Variants in F8 observed in about 807,000 individuals in gnomAD.
The protein encoded by F8 is antihemophilic factor.
F8 carries 12 observed loss-of-function variants against 140.6 expected under a neutral mutation model. The observed-to-expected ratio is 0.09, with a 90% CI of 0.05 to 0.14. The LOEUF is 0.14. Ranked by LOEUF, F8 falls within the 10% of genes least tolerant of loss-of-function variation. The pLI is 1.00. For synonymous variants in F8, 585 were observed against 614.6 expected (o/e 0.95, Z 0.71); for missense variants, 1,354 against 1,720.7 (o/e 0.79, Z 3.77).
chrX:155,006,074 T>G (rs906958085), intron 1 of F8, among the ~76,000 whole-genome samples: 9 of 112,287 alleles, frequency 8.0e-5, no homozygotes, highest in Non-Finnish European at 1.7e-4. Flanking sequence ...TTCATGTGCT[T>G]AAAAAGTTGT....
intron 15 of F8, 111 bp downstream of exon 15, chrX:154,906,309 G>A: frequency 3.0e-6 from 2 of 659,719 alleles, no homozygotes; most frequent in Non-Finnish European, 4.4e-6. Flanking sequence ...GATAATTATG[G>A]AATTATTTTT....
chrX:154,873,309 C>T (rs2072789130), intron 22 of F8, among the ~76,000 whole-genome samples: 1 of 109,248 alleles, frequency 9.2e-6, no homozygotes, highest in Middle Eastern at 4.2e-3. Flanking sequence ...TCACTACAAC[C>T]TCTGCCTCCC....
intron 13 of F8, among the ~76,000 whole-genome samples, chrX:154,935,472 T>G (rs781962753): frequency 8.9e-6 from 1 of 111,809 alleles, no homozygotes; most frequent in East Asian, 2.8e-4. Flanking sequence ...GACAACTGGA[T>G]GTTTACATGC....
rs781832868 is a variant in F8, at chrX:154,901,295, T to C, written c.6187+76A>G. ...TAGAAGCATGGAGATGGATTCATTA[T>C]CTGAGATTCTCCACCAGATTATTAA... is the stretch of plus-strand genomic sequence containing the variant. On this transcript the variant is annotated intron_variant, in intron 20 of 25. Transcript: ENST00000360256. 76 of 687,636 alleles carry C rather than the reference T, an allele frequency of 1.1e-4. 6 individuals carry two copies. In the Admixed American group the frequency reaches 1.6e-3, roughly 14 times the overall value. The allele number at this position is 687,636 out of a possible 1,213,427, so 56.7% of individuals were successfully genotyped here. A position where few individuals can be genotyped will look rare whatever the true frequency, so the allele number is the denominator to read the frequency against.
At chrX:154,995,420 T>C (rs1259160920) in intron 3 of F8, among the ~76,000 whole-genome samples, 3 of 112,034 alleles carry the variant, frequency 2.7e-5, no homozygotes, top group African/African-American at 9.8e-5. Flanking sequence ...ATTTCAGCTA[T>C]GTCCATCCCT....
At chrX:154,966,277 G>A in intron 8 of F8, 136 bp from the exon 9 acceptor site, 1 of 897,549 alleles carries the variant, frequency 1.1e-6, no homozygotes, top group Admixed American at 2.9e-5. Flanking sequence ...GCTCAGCTAT[G>A]TTAGTTTCCA....
chrX:154,975,824 T>G (rs1255694765), intron 6 of F8, among the ~76,000 whole-genome samples: 1 of 112,195 alleles, frequency 8.9e-6, no homozygotes, highest in Non-Finnish European at 1.9e-5. Flanking sequence ...GGTGCTCCAA[T>G]GTTGGGTGTA....
chrX:154,843,729 A>G (rs1263276316), intron 25 of F8, among the ~76,000 whole-genome samples: 1 of 111,569 alleles, frequency 9.0e-6, no homozygotes, highest in Non-Finnish European at 1.9e-5. Context: ...ATTTTCTCCC[A>G]ATTTGTAGCT....
chrX:154,982,890 T>C (rs1557283870), intron 6 of F8, among the ~76,000 whole-genome samples: 1 of 112,602 alleles, frequency 8.9e-6, no homozygotes, highest in African/African-American at 3.2e-5. Context: ...TTTTCCTTTC[T>C]CTAGCTTACT....
Position 154,929,667 on chromosome X carries a change from C to G in F8, c.4123G>C (p.Asp1375His). Reference sequence around the variant, plus strand: ...GCCCCTTTCTCCTTCTCATTGTAGTCTATCTGTGTGAGGGTGCTCGGGGTC... The same window carrying G: ...GCCCCTTTCTCCTTCTCATTGTAGTGTATCTGTGTGAGGGTGCTCGGGGTC... ...HLTPSTLTQI[D>H]YNEKEKGAIT... The change falls in exon 14 of 26, where the codon GAC becomes CAC. Residue 1375 changes from aspartate to histidine, a missense_variant. By Grantham distance (81) the Asp-to-His change is moderately conservative. Around this residue, in one of 4 missense-constraint regions of F8, gnomAD observed 658 missense variants for 666.5 expected, o/e 0.99. Coordinates refer to ENST00000360256, the MANE Select transcript of F8 (RefSeq NM_000132.4). The G allele has an allele frequency of 3.4e-5, 41 of 1,209,799 alleles. No homozygotes were observed. Among genetic ancestry groups the G allele is most frequent in the Non-Finnish European group, 4.6e-5 (41 of 894,447 alleles).
chrX:154,923,032 A>G (rs1439863521), intron 14 of F8, among the ~76,000 whole-genome samples: 1 of 111,657 alleles, frequency 9.0e-6, no homozygotes, highest in African/African-American at 3.3e-5. Context: ...AATTATTGCA[A>G]TGGCTTCTTG....
chrX:154,906,724 A>G, intron 14 of F8, 151 bp from the exon 15 acceptor site: 1 of 524,360 alleles, frequency 1.9e-6, no homozygotes, highest in Non-Finnish European at 3.2e-6. Context: ...CTTTATTAGC[A>G]TGTAAGTTCC....
intron 18 of F8, 38 bp downstream of exon 18, chrX:154,903,868 T>C: frequency 8.7e-7 from 1 of 1,152,315 alleles, no homozygotes; most frequent in Non-Finnish European, 1.2e-6. Context: ...ACTCAACAAA[T>C]AGAGTAGGTA....
chrX:155,010,020 C>G (rs1177679172), intron 1 of F8, among the ~76,000 whole-genome samples: 2 of 111,934 alleles, frequency 1.8e-5, no homozygotes, highest in East Asian at 5.6e-4. Flanking sequence ...TTCCTAAGAG[C>G]ATTAACACCC....
At chrX:154,938,547 G>A (rs1222772856) in intron 13 of F8, among the ~76,000 whole-genome samples, 1 of 111,138 alleles carries the variant, frequency 9.0e-6, no homozygotes, top group Non-Finnish European at 1.9e-5. Context: ...CTTAGGATAG[G>A]CAAAAATTTC....
chrX:154,935,798 AAAAC>A (rs2073221063), intron 13 of F8, among the ~76,000 whole-genome samples: 1 of 111,985 alleles, frequency 8.9e-6, no homozygotes. Context: ...AAATAGTTAG[AAAAC>A]AAACTAGAAC....
chrX:154,901,843 A>G (rs1557275966), intron 19 of F8, among the ~76,000 whole-genome samples: 1 of 111,402 alleles, frequency 9.0e-6, no homozygotes, highest in Non-Finnish European at 1.9e-5. Flanking sequence ...AATTATTTAG[A>G]GCTTCAGGTA....
chrX:154,949,401 G>T (rs1557280563), intron 12 of F8, among the ~76,000 whole-genome samples: 1 of 112,139 alleles, frequency 8.9e-6, no homozygotes, highest in African/African-American at 3.2e-5. Flanking sequence ...CTATGTTGCT[G>T]GCTGCTGTTC....
intron 25 of F8, among the ~76,000 whole-genome samples, chrX:154,844,841 G>A (rs1317844277): frequency 2.7e-5 from 3 of 109,909 alleles, no homozygotes; most frequent in South Asian, 7.8e-4. Flanking sequence ...GAATAGGAGT[G>A]GTGAGAGAGG....
Sources: gnomAD v4.1 joint callset for allele counts (sites outside exome capture counted in the v4.1 genomes callset) on GRCh38, gnomAD v4.1.1 for gene constraint, gnomAD v4.1.1 regional missense constraint, MANE v1.5 for transcripts, NCBI Gene and HGNC (gene_info 2026-07-23, HGNC 2026-07-21) for gene names.